The following COL13A1 variants were observed in gnomAD, a reference collection of about 807,000 sequenced individuals.
The protein encoded by COL13A1 is collagen alpha-1(XIII) chain.
In COL13A1, 89 loss-of-function variants were observed where a neutral mutation model predicts 130.9. The ratio of observed to expected loss-of-function variants is 0.68; its 90% CI spans 0.57 to 0.81. COL13A1 has a LOEUF of 0.81. Ranked by LOEUF, COL13A1 falls within the 30% of genes least tolerant of loss-of-function variation. COL13A1 has a pLI of 0.00. For missense variants in COL13A1, 879 were observed against 934.6 expected, an observed-to-expected ratio of 0.94 and a Z score of 0.78; for synonymous variants, 402 against 341.6, an observed-to-expected ratio of 1.18 and a Z score of -1.95.
At chr10:69,853,017 C>T (rs937780235) in intron 2 of COL13A1, among the ~76,000 whole-genome samples, 2 of 151,366 alleles carry the variant, frequency 1.3e-5, no homozygotes, top group Non-Finnish European at 1.5e-5. Context: ...GGCGGGGGAG[C>T]GGGGGGAGGT....
At position 69,804,809 on chromosome 10, in the gene COL13A1, C is replaced by CAAAA. The variant is rs57098368; in HGVS notation, c.294+2122_294+2125dup. Among the ~76,000 whole-genome samples the CAAAA allele has an allele frequency of 5.0e-3, 374 of 75,368 alleles. 34 individuals carry two copies. The highest frequency in any genetic ancestry group is 6.7e-3 in the Non-Finnish European group (285 of 42,388). 49.4% of individuals were successfully genotyped at this position (75,368 alleles called of 152,430 possible). ...AAATGGGCAGTGACCATGTCGTGTG[C>CAAAA]AAAAAAAAAAAAAAAAAAAAAAAAA... is the stretch of plus-strand genomic sequence containing the variant. On this transcript the variant is annotated intron_variant, in intron 1 of 40. Coordinates refer to ENST00000645393, the MANE Select transcript of COL13A1 (RefSeq NM_001368882.1).
chr10:69,891,044 G>T (rs1214143843), intron 10 of COL13A1, among the ~76,000 whole-genome samples: 1 of 152,004 alleles, frequency 6.6e-6, no homozygotes, highest in Non-Finnish European at 1.5e-5. Context: ...TTCTTTTAAT[G>T]CATTTTTTAT....
At chr10:69,829,135 G>T in intron 2 of COL13A1, 1 of 692,830 alleles carries the variant, frequency 1.4e-6, no homozygotes, top group Non-Finnish European at 1.8e-6. Context: ...TGGGCTTCAG[G>T]CTGAACACCA....
intron 8 of COL13A1, 134 bp downstream of exon 8, chr10:69,887,625 G>A: frequency 1.1e-6 from 1 of 893,678 alleles, no homozygotes; most frequent in Non-Finnish European, 1.8e-6. Flanking sequence ...TGCTTCTACA[G>A]CCATTCATGG....
rs1156783235 is a variant in COL13A1 at position 69,937,484 on chromosome 10, A to G, written c.1798-151A>G. 4 of 592,634 alleles carry G rather than the reference A, an allele frequency of 6.7e-6. No individual in the cohort carries two copies. In the Admixed American group the frequency reaches 1.2e-4, roughly 18 times the overall value. The allele number at this position is 592,634 out of a possible 1,614,324, so 36.7% of individuals were successfully genotyped here. A position where few individuals can be genotyped will look rare whatever the true frequency, so the allele number is the denominator to read the frequency against. ...TACTAACTGAGGCGAGAGTAGGCTA[A>G]GAATTCAGGGATTCTTGGTATCCTC... On this transcript the variant is annotated intron_variant, in intron 33 of 40. Transcript: ENST00000645393.
Position 69,905,817 on chromosome 10 carries a change from C to T in COL13A1, c.916C>T (p.Arg306Trp), listed in dbSNP as rs780602652. 2.5e-5 allele frequency: 40 copies of T among 1,613,562 alleles called. No homozygotes were observed. The highest frequency in any genetic ancestry group is 4.4e-5 in the South Asian group (4 of 90,958). ...GDPGIQGYHG[R>W]KGERGMPGMP... The stretch of plus-strand genomic sequence containing the variant: ...CCCAGGGATCCAGGGCTACCACGGC[C>T]GGAAGGTAAGATGGAGGGGGAGGAC... Residue 306 changes from arginine (R) to tryptophan (W), a missense_variant, in exon 17 of 41, where the codon CGG (arginine) becomes TGG (tryptophan). By Grantham distance (101) the Arg-to-Trp change is moderately radical (BLOSUM62 -3). Around this residue, in one of 3 missense-constraint regions of COL13A1, gnomAD observed 715 missense variants for 721.0 expected, o/e 0.99. Coordinates refer to ENST00000645393, the MANE Select transcript of COL13A1 (RefSeq NM_001368882.1).
chr10:69,867,896 C>T (rs1272832389), intron 3 of COL13A1, 91 bp downstream of exon 3: 11 of 711,856 alleles, frequency 1.5e-5, no homozygotes, highest in African/African-American at 3.5e-5. Context: ...GAAAGCTGGG[C>T]CCCTGCTGTC....
At chr10:69,958,619 T>G (rs779191284) in intron 40 of COL13A1, 80 bp from the exon 41 acceptor site, 7 of 1,609,156 alleles carry the variant, frequency 4.4e-6, no homozygotes, top group Non-Finnish European at 5.9e-6. Flanking sequence ...GGACAAGATT[T>G]ACCTCCCTTC....
intron 10 of COL13A1, among the ~76,000 whole-genome samples, chr10:69,892,342 C>T (rs918271437): frequency 1.3e-5 from 2 of 152,116 alleles, no homozygotes; most frequent in Non-Finnish European, 2.9e-5. Flanking sequence ...AACCTGTGTC[C>T]TCACCTCTCA....
intron 9 of COL13A1, 31 bp downstream of exon 9, chr10:69,888,361 A>G: frequency 2.5e-6 from 4 of 1,608,898 alleles, no homozygotes; most frequent in Non-Finnish European, 3.4e-6. Flanking sequence ...CCCTCACTGC[A>G]GGTCAGTGAT....
chr10:69,817,100 A>G (rs1330466596), intron 1 of COL13A1, among the ~76,000 whole-genome samples: 2 of 152,198 alleles, frequency 1.3e-5, no homozygotes, highest in African/African-American at 2.4e-5. Flanking sequence ...TTTCCAAACT[A>G]TGGCTGCTTT....
At chr10:69,810,502 G>A (rs947438348) in intron 1 of COL13A1, among the ~76,000 whole-genome samples, 1 of 152,154 alleles carries the variant, frequency 6.6e-6, no homozygotes, top group African/African-American at 2.4e-5. Context: ...ACGGTGAGAT[G>A]TCAACAAAAG....
chr10:69,925,748 T>G (rs1241365086), intron 25 of COL13A1, 56 bp from the exon 26 acceptor site: 5 of 1,375,016 alleles, frequency 3.6e-6, no homozygotes, highest in Non-Finnish European at 4.1e-6. Flanking sequence ...AGGCCACAGT[T>G]GCCCTCCCGG....
intron 17 of COL13A1, among the ~76,000 whole-genome samples, chr10:69,916,938 G>T (rs530092745): frequency 6.6e-6 from 1 of 152,278 alleles, no homozygotes; most frequent in African/African-American, 2.4e-5. Flanking sequence ...CCAATGGGTG[G>T]CTCCTGCCCC....
chr10:69,873,289 T>C (rs1163228913), intron 4 of COL13A1, among the ~76,000 whole-genome samples: 1 of 152,234 alleles, frequency 6.6e-6, no homozygotes, highest in Non-Finnish European at 1.5e-5. Context: ...CTAAAATTCA[T>C]GCCTAGCAGT....
At chr10:69,816,536 C>T (rs1405305082) in intron 1 of COL13A1, among the ~76,000 whole-genome samples, 1 of 151,894 alleles carries the variant, frequency 6.6e-6, no homozygotes. Context: ...GGATGAGGTA[C>T]CCTAGGGAGC....
At chr10:69,854,445 C>T (rs1239072215) in intron 2 of COL13A1, among the ~76,000 whole-genome samples, 2 of 151,946 alleles carry the variant, frequency 1.3e-5, no homozygotes, top group East Asian at 1.9e-4. Flanking sequence ...TGGTGGTGTG[C>T]GCCAGCAGTC....
At chr10:69,953,912 G>C (rs779196345) in intron 39 of COL13A1, 12 of 152,894 alleles carry the variant, frequency 7.8e-5, no homozygotes, top group Admixed American at 5.2e-4. Flanking sequence ...GGCCAGCCTT[G>C]ACCTGAATAA....
chr10:69,954,489 G>A (rs1033979957), intron 39 of COL13A1, among the ~76,000 whole-genome samples: 3 of 152,318 alleles, frequency 2.0e-5, no homozygotes, highest in African/African-American at 2.4e-5. Context: ...AGCACCTAGC[G>A]AAACATGTGA....
Sources: gnomAD v4.1 joint callset for allele counts (sites outside exome capture counted in the v4.1 genomes callset) on GRCh38, gnomAD v4.1.1 for gene constraint, gnomAD v4.1.1 regional missense constraint, MANE v1.5 for transcripts, NCBI Gene and HGNC (gene_info 2026-07-23, HGNC 2026-07-21) for gene names.